NRP1: variants seen among roughly 807,000 people sequenced by gnomAD.
The protein encoded by NRP1 is neuropilin-1.
In NRP1, 35 loss-of-function variants were observed where a neutral mutation model predicts 106.7. The ratio of observed to expected loss-of-function variants is 0.33; its 90% CI spans 0.25 to 0.43. The LOEUF (loss-of-function observed/expected upper bound fraction) is 0.43, where lower values mean the gene tolerates loss of function less well. Ranked by LOEUF, NRP1 falls within the 20% of genes least tolerant of loss-of-function variation. The pLI, the probability that NRP1 is intolerant of heterozygous loss-of-function variation, is 1.00. For missense variants in NRP1, 1,024 were observed against 1,170.4 expected, an observed-to-expected ratio of 0.87 and a Z score of 1.83; for synonymous variants, 437 against 417.9, an observed-to-expected ratio of 1.05 and a Z score of -0.56.
chr10:33,199,381 ATATATATATTTTTTTTTTTTTTTTT>A (rs1564372736), intron 11 of NRP1, among the ~76,000 whole-genome samples: 4 of 58,296 alleles, frequency 6.9e-5, no homozygotes, highest in African/African-American at 2.9e-4. Flanking sequence ...ATATATATAT[ATATATATATTTTTTTTTTTTTTTTT>A]TTTTTTTTTT....
intron 4 of NRP1, among the ~76,000 whole-genome samples, chr10:33,257,499 T>C (rs1384987913): frequency 6.6e-6 from 1 of 152,156 alleles, no homozygotes; most frequent in African/African-American, 2.4e-5. Flanking sequence ...TAGCCAGGCG[T>C]GGTGGGCAGT....
intron 5 of NRP1, among the ~76,000 whole-genome samples, chr10:33,255,400 C>T (rs1313076477): frequency 6.6e-6 from 1 of 152,182 alleles, no homozygotes; most frequent in Non-Finnish European, 1.5e-5. Context: ...CCCTGTGCTA[C>T]TTTACAGCCT....
intron 11 of NRP1, among the ~76,000 whole-genome samples, chr10:33,199,212 T>C (rs9299705): frequency 0.18 from 27,507 of 150,476 alleles, 2,662 homozygotes; most frequent in Middle Eastern, 0.28. Flanking sequence ...AATCTGTATT[T>C]TTTTGAGACA....
intron 2 of NRP1, among the ~76,000 whole-genome samples, chr10:33,323,915 A>G (rs779031785): frequency 6.6e-6 from 1 of 152,186 alleles, no homozygotes; most frequent in Non-Finnish European, 1.5e-5. Flanking sequence ...CGCTGAAGGC[A>G]TATGTCTCAC....
At chr10:33,194,050 A>G (rs1012966935) in intron 12 of NRP1, among the ~76,000 whole-genome samples, 1 of 152,066 alleles carries the variant, frequency 6.6e-6, no homozygotes, top group African/African-American at 2.4e-5. Flanking sequence ...GTCATCGGAG[A>G]GATATATTTC....
intron 2 of NRP1, among the ~76,000 whole-genome samples, chr10:33,301,623 C>G (rs889928680): frequency 6.6e-6 from 1 of 151,964 alleles, no homozygotes; most frequent in Non-Finnish European, 1.5e-5. Flanking sequence ...GGCCAGTGCG[C>G]GTGACTCTCA....
intron 6 of NRP1, among the ~76,000 whole-genome samples, chr10:33,237,687 T>G (rs762109060): frequency 6.7e-6 from 1 of 150,280 alleles, no homozygotes; most frequent in Non-Finnish European, 1.5e-5. Context: ...CAAGTGATTA[T>G]AGTCGCTGGG....
At chr10:33,327,660 GT>G (rs965711570) in intron 2 of NRP1, among the ~76,000 whole-genome samples, 86 of 145,604 alleles carry the variant, frequency 5.9e-4, no homozygotes, top group Middle Eastern at 3.7e-3. Context: ...GTGTTCCCAG[GT>G]TTTTTTTTTC....
At chr10:33,319,939 C>T (rs1034147739) in intron 2 of NRP1, among the ~76,000 whole-genome samples, 4 of 151,990 alleles carry the variant, frequency 2.6e-5, no homozygotes, top group African/African-American at 9.7e-5. Context: ...GTCCCCAGTT[C>T]CGTTCTTGGT....
intron 2 of NRP1, among the ~76,000 whole-genome samples, chr10:33,328,588 A>G (rs538324435): frequency 2.0e-5 from 3 of 152,220 alleles, no homozygotes; most frequent in Non-Finnish European, 4.4e-5. Context: ...AAGTGATTCA[A>G]CTGGCTTCCC....
intron 9 of NRP1, among the ~76,000 whole-genome samples, chr10:33,208,172 T>C (rs529857038): frequency 6.6e-6 from 1 of 152,272 alleles, no homozygotes; most frequent in South Asian, 2.1e-4. Flanking sequence ...GTGATCTGCT[T>C]GCCTCTGCCT....
intron 2 of NRP1, among the ~76,000 whole-genome samples, chr10:33,304,341 G>A (rs1048283158): frequency 5.3e-5 from 8 of 152,120 alleles, no homozygotes; most frequent in Non-Finnish European, 7.4e-5. Context: ...GAAGACAATG[G>A]GGAGGAAAAC....
chr10:33,186,761 T>G (rs780070496), intron 13 of NRP1, among the ~76,000 whole-genome samples: 5 of 152,336 alleles, frequency 3.3e-5, no homozygotes, highest in South Asian at 4.1e-4. Flanking sequence ...TATGGACACA[T>G]GCTATGCCTC....
intron 6 of NRP1, among the ~76,000 whole-genome samples, chr10:33,253,604 A>G (rs1842007940): frequency 1.3e-5 from 2 of 152,182 alleles, no homozygotes; most frequent in Admixed American, 1.3e-4. Context: ...CAATTATTTC[A>G]TACACGTCTA....
chr10:33,252,673 C>T (rs554543955), intron 6 of NRP1, among the ~76,000 whole-genome samples: 17 of 152,204 alleles, frequency 1.1e-4, no homozygotes, highest in African/African-American at 3.9e-4. Context: ...ATCTGTCAAT[C>T]ATACTGAACT....
intron 11 of NRP1, chr10:33,202,553 G>C: frequency 7.2e-7 from 1 of 1,393,322 alleles, no homozygotes; most frequent in Non-Finnish European, 9.5e-7. Context: ...ACGTAGGGGT[G>C]GTGCACGTGT....
At chr10:33,250,638 T>C (rs1171559662) in intron 6 of NRP1, among the ~76,000 whole-genome samples, 1 of 152,240 alleles carries the variant, frequency 6.6e-6, no homozygotes, top group African/African-American at 2.4e-5. Context: ...TAGAGTCTGA[T>C]AGACCTTGTT....
intron 2 of NRP1, among the ~76,000 whole-genome samples, chr10:33,310,111 CTAATT>C (rs1846474852): frequency 6.6e-6 from 1 of 151,774 alleles, no homozygotes; most frequent in African/African-American, 2.4e-5. Flanking sequence ...CCACGCCCGG[CTAATT>C]TTTTTTGTAT....
intron 5 of NRP1, among the ~76,000 whole-genome samples, chr10:33,254,615 T>C (rs1224177998): frequency 6.6e-6 from 1 of 152,212 alleles, no homozygotes; most frequent in African/African-American, 2.4e-5. Flanking sequence ...AAAGACTCTA[T>C]GTCTAGTTAC....
Sources: allele counts gnomAD v4.1 joint callset (sites outside exome capture counted in the v4.1 genomes callset), GRCh38; gene constraint gnomAD v4.1.1; transcripts MANE v1.5; gene names NCBI Gene and HGNC (gene_info 2026-07-23, HGNC 2026-07-21).